Variants in EPHA5 observed in about 807,000 individuals in gnomAD.
The protein encoded by EPHA5 is ephrin type-A receptor 5.
Under a neutral mutation model 105.0 loss-of-function variants are expected in EPHA5, and 60 were observed. That is an observed-to-expected ratio of 0.57 (90% CI 0.46 to 0.71). The LOEUF is 0.71. EPHA5 is among the 30% of genes least tolerant of loss of function. EPHA5 has a pLI of 0.00. For synonymous variants in EPHA5, 513 were observed against 449.1 expected, an observed-to-expected ratio of 1.14 and a Z score of -1.80; for missense variants, 1,218 against 1,274.7, an observed-to-expected ratio of 0.96 and a Z score of 0.68.
chr4:65,331,390 A>G, intron 16 of EPHA5: 1 of 1,043,754 alleles, frequency 9.6e-7, no homozygotes, highest in Non-Finnish European at 1.2e-6. Context: ...GTGCAAACAG[A>G]AAAGGGCACA....
chr4:65,542,457 A>G (rs28811391), intron 3 of EPHA5, among the ~76,000 whole-genome samples: 76,858 of 151,878 alleles, frequency 0.51, 19,739 homozygotes, highest in Non-Finnish European at 0.53. Flanking sequence ...TACTCAAATG[A>G]ACTAGAAAAT....
chr4:65,478,451 T>C (rs1730043759), intron 5 of EPHA5, among the ~76,000 whole-genome samples: 1 of 152,170 alleles, frequency 6.6e-6, no homozygotes, highest in Admixed American at 6.5e-5. Flanking sequence ...TTTCCCTCCA[T>C]TTGCTCTTAG....
At chr4:65,387,270 G>A (rs1276715238) in intron 8 of EPHA5, among the ~76,000 whole-genome samples, 1 of 151,896 alleles carries the variant, frequency 6.6e-6, no homozygotes, top group East Asian at 1.9e-4. Context: ...GGAGCTGGGG[G>A]CGCTGTCCAA....
intron 5 of EPHA5, among the ~76,000 whole-genome samples, chr4:65,457,228 G>C (rs540471837): frequency 6.6e-6 from 1 of 152,276 alleles, no homozygotes; most frequent in Admixed American, 6.5e-5. Flanking sequence ...ATTTAGTTCA[G>C]TGAAGGCTGG....
intron 15 of EPHA5, among the ~76,000 whole-genome samples, chr4:65,333,137 G>GA (rs1158748007): frequency 6.6e-6 from 1 of 151,260 alleles, no homozygotes; most frequent in Non-Finnish European, 1.5e-5. Flanking sequence ...GGAATAATCA[G>GA]AAAAAAATGG....
At chr4:65,478,099 G>T (rs961014331) in intron 5 of EPHA5, among the ~76,000 whole-genome samples, 1 of 152,124 alleles carries the variant, frequency 6.6e-6, no homozygotes, top group African/African-American at 2.4e-5. Flanking sequence ...AACAGCAAAC[G>T]CACAAGGTAA....
chr4:65,574,245 A>G, intron 3 of EPHA5: 1 of 1,599,046 alleles, frequency 6.3e-7, no homozygotes, highest in Non-Finnish European at 8.6e-7. Flanking sequence ...ATCAAAAATC[A>G]AAGCTATTCC....
At chr4:65,362,573 A>G (rs1204904653) in intron 11 of EPHA5, among the ~76,000 whole-genome samples, 2 of 151,738 alleles carry the variant, frequency 1.3e-5, no homozygotes, top group African/African-American at 4.8e-5. Flanking sequence ...ATCCAGCAGA[A>G]TATTTGATTA....
chr4:65,646,114 G>A (rs957872787), intron 1 of EPHA5, among the ~76,000 whole-genome samples: 3 of 151,960 alleles, frequency 2.0e-5, no homozygotes, highest in Admixed American at 6.6e-5. Flanking sequence ...AATTGCTAAC[G>A]TTTCCTTTGT....
At chr4:65,544,731 T>C (rs976463708) in intron 3 of EPHA5, among the ~76,000 whole-genome samples, 3 of 151,996 alleles carry the variant, frequency 2.0e-5, no homozygotes, top group African/African-American at 4.8e-5. Context: ...ACTGGGTATA[T>C]ACCCAAAGGA....
intron 2 of EPHA5, among the ~76,000 whole-genome samples, chr4:65,602,522 A>C (rs1743839357): frequency 6.6e-6 from 1 of 152,202 alleles, no homozygotes; most frequent in Non-Finnish European, 1.5e-5. Flanking sequence ...AGAAATTATT[A>C]TTCTTCATCT....
intron 8 of EPHA5, among the ~76,000 whole-genome samples, chr4:65,397,900 G>C (rs1473430623): frequency 2.6e-5 from 4 of 152,142 alleles, no homozygotes; most frequent in Non-Finnish European, 5.9e-5. Flanking sequence ...CTTCAGAGGG[G>C]GGACTGATGG....
At chr4:65,605,046 C>T (rs1744091558) in intron 2 of EPHA5, among the ~76,000 whole-genome samples, 1 of 152,168 alleles carries the variant, frequency 6.6e-6, no homozygotes, top group Non-Finnish European at 1.5e-5. Flanking sequence ...TCAATGCCAT[C>T]CCCTGAGCCC....
intron 1 of EPHA5, among the ~76,000 whole-genome samples, chr4:65,653,602 A>T (rs868596248): frequency 1.8e-4 from 27 of 152,012 alleles, no homozygotes; most frequent in Non-Finnish European, 7.4e-5. Flanking sequence ...ATATATCTTA[A>T]CTGTATAAAA....
chr4:65,617,337 A>G (rs1745329843), intron 2 of EPHA5, among the ~76,000 whole-genome samples: 1 of 152,018 alleles, frequency 6.6e-6, no homozygotes, highest in African/African-American at 2.4e-5. Context: ...CCTGTGATCA[A>G]TTGTTGGTGT....
At chr4:65,473,029 G>T (rs1233951856) in intron 5 of EPHA5, among the ~76,000 whole-genome samples, 1 of 152,096 alleles carries the variant, frequency 6.6e-6, no homozygotes, top group Non-Finnish European at 1.5e-5. Flanking sequence ...CAAGTTCAAA[G>T]TTCCACAGAT....
At chr4:65,667,905 T>C (rs1262756549) in intron 1 of EPHA5, among the ~76,000 whole-genome samples, 1 of 151,994 alleles carries the variant, frequency 6.6e-6, no homozygotes, top group Non-Finnish European at 1.5e-5. Context: ...AATAAGACAG[T>C]TAATAAAAGA....
intron 3 of EPHA5, among the ~76,000 whole-genome samples, chr4:65,590,142 C>T (rs140680692): frequency 6.6e-6 from 1 of 152,280 alleles, no homozygotes; most frequent in South Asian, 2.1e-4. Flanking sequence ...ATCATTTGCT[C>T]TAATTGTTAC....
intron 1 of EPHA5, among the ~76,000 whole-genome samples, chr4:65,657,141 T>G (rs1327278809): frequency 6.6e-6 from 1 of 152,150 alleles, no homozygotes. Context: ...TAAGAATTCT[T>G]GCCAGCTTGT....
Sources: gnomAD v4.1 joint callset for allele counts (sites outside exome capture counted in the v4.1 genomes callset) on GRCh38, gnomAD v4.1.1 for gene constraint, MANE v1.5 for transcripts, NCBI Gene and HGNC (gene_info 2026-07-23, HGNC 2026-07-21) for gene names.